CTSB: variants seen among roughly 807,000 people sequenced by gnomAD.
CTSB encodes APP secretase.
In CTSB, 57 loss-of-function variants were observed where a neutral mutation model predicts 44.3. The ratio of observed to expected loss-of-function variants is 1.29; its 90% CI spans 1.04 to 1.60. The LOEUF is 1.60. Ranked by LOEUF, CTSB falls within the 40% of genes most tolerant of loss-of-function variation. CTSB has a pLI of 0.00. For missense variants in CTSB, 768 were observed against 443.0 expected, an observed-to-expected ratio of 1.73 and a Z score of -6.59; for synonymous variants, 320 against 168.0, an observed-to-expected ratio of 1.91 and a Z score of -7.00.
intron 1 of CTSB, among the ~76,000 whole-genome samples, chr8:11,857,263 C>T (rs1047794761): frequency 1.2e-4 from 19 of 152,188 alleles, no homozygotes; most frequent in African/African-American, 4.1e-4. Flanking sequence ...AGGGATCTAA[C>T]TGCCTCAGCT....
chr8:11,849,579 G>GT (rs376850621), intron 4 of CTSB: 6,901 of 143,838 alleles, frequency 0.048, 231 homozygotes, highest in African/African-American at 0.084. Context: ...TGTGTGTGTG[G>GT]TTTTTTTTTT....
At chr8:11,863,301 A>C (rs1816683077) in intron 1 of CTSB, among the ~76,000 whole-genome samples, 1 of 152,180 alleles carries the variant, frequency 6.6e-6, no homozygotes, top group Non-Finnish European at 1.5e-5. Flanking sequence ...TCTACTAAAA[A>C]TACAAAAATT....
At position 11,847,947 on chromosome 8, in the gene CTSB, C is replaced by T. The variant is rs1373373605; in HGVS notation, c.532+120G>A. ...TCCTGCCAGAGGCCTGTGCACCTGGCTAGCACCTCTCAGCAGCCCCTCTGT... is the reference window on the plus strand; with the variant it reads ...TCCTGCCAGAGGCCTGTGCACCTGGTTAGCACCTCTCAGCAGCCCCTCTGT... On this transcript the variant is annotated intron_variant, in intron 6 of 9. Transcript: ENST00000353047. 19 of 1,345,290 alleles carry T rather than the reference C, an allele frequency of 1.4e-5. 1 individual carries two copies. The highest frequency in any genetic ancestry group is 5.4e-5 in the South Asian group (4 of 74,624). 83.3% of individuals were successfully genotyped at this position (1,345,290 alleles called of 1,614,324 possible).
chr8:11,847,071 G>A lies in CTSB; in HGVS notation c.774C>T (p.Asp258=), dbSNP rs1157703884. The change falls in exon 8 of 10, where the codon GAC becomes GAT. Residue 258 remains aspartate (D), a synonymous_variant. Coordinates refer to ENST00000353047, the MANE Select transcript of CTSB (RefSeq NM_001908.5). ...PVEGAFSVYS[D]FLLYKSGVYQ... Reference sequence around the variant, plus strand: ...ACGCACCTGACTTGTAGAGCAGGAAGTCCGAATACACAGAGAAAGCTCCCT... The same window carrying A: ...ACGCACCTGACTTGTAGAGCAGGAAATCCGAATACACAGAGAAAGCTCCCT... 3 of 1,605,512 alleles carry A rather than the reference G, an allele frequency of 1.9e-6. No individual in the cohort carries two copies. The highest frequency in any genetic ancestry group is 1.7e-5 in the Admixed American group (1 of 59,950).
At chr8:11,854,428 T>TA (rs1005628203) in intron 1 of CTSB, among the ~76,000 whole-genome samples, 23 of 151,890 alleles carry the variant, frequency 1.5e-4, no homozygotes, top group African/African-American at 5.6e-4. Flanking sequence ...CATTGTTGCT[T>TA]AAGCAACAAT....
At chr8:11,853,216 G>A (rs1814917580) in intron 2 of CTSB, 113 bp downstream of exon 2, 1 of 1,463,918 alleles carries the variant, frequency 6.8e-7, no homozygotes, top group African/African-American at 1.4e-5. Context: ...TTTTTCAACA[G>A]TCCAGGACAA....
chr8:11,843,457 A>C lies in CTSB; in HGVS notation c.*1668T>G, dbSNP rs1812631575. 6.6e-6 allele frequency: 1 copy of C among 152,244 alleles called. No homozygotes were observed. The highest frequency in any genetic ancestry group is 2.4e-5 in the African/African-American group (1 of 41,442). 9.4% of individuals were successfully genotyped at this position (152,244 alleles called of 1,614,324 possible). On this transcript the variant is annotated 3_prime_UTR_variant, in exon 10 of 10. Transcript: ENST00000353047. ...TGTACCTTGGCAGGACAGTGGAATG[A>C]TTGCTGGTTCTTCTAGTTTGCTCTA...
intron 3 of CTSB, 127 bp downstream of exon 3, chr8:11,852,483 G>A (rs570592254): frequency 2.3e-4 from 126 of 556,518 alleles, no homozygotes; most frequent in East Asian, 1.7e-3. Context: ...TACCTCAAGC[G>A]GTGTCGGCAG....
intron 8 of CTSB, chr8:11,846,053 C>T: frequency 3.4e-6 from 1 of 296,606 alleles, no homozygotes. Context: ...AATAGAATTT[C>T]TAATACATTC....
intron 1 of CTSB, among the ~76,000 whole-genome samples, chr8:11,859,392 GCGGCTA>G (rs1816025703): frequency 6.6e-6 from 1 of 152,118 alleles, no homozygotes; most frequent in African/African-American, 2.4e-5. Flanking sequence ...GAGAGGAGGT[GCGGCTA>G]AGTCACAGGA....
At chr8:11,866,633 G>A (rs1053601413) in intron 1 of CTSB, among the ~76,000 whole-genome samples, 3 of 152,242 alleles carry the variant, frequency 2.0e-5, no homozygotes, top group Admixed American at 6.5e-5. Context: ...GCCGAGACAG[G>A]CGGATCACCT....
intron 1 of CTSB, among the ~76,000 whole-genome samples, chr8:11,859,060 G>A (rs1395088394): frequency 6.6e-6 from 1 of 152,022 alleles, no homozygotes; most frequent in African/African-American, 2.4e-5. Context: ...TCTAGACCTT[G>A]GTCTGCTGTG....
Position 11,847,673 on chromosome 8 carries a change from C to T in CTSB, c.676+6G>A. 6.5e-7 allele frequency: 1 copy of T among 1,535,852 alleles called. No individual in the cohort carries two copies. The highest frequency in any genetic ancestry group is 8.7e-7 in the Non-Finnish European group (1 of 1,144,964). On this transcript the variant is annotated splice_donor_region_variant and intron_variant, in intron 7 of 9. Transcript: ENST00000353047. Reference sequence around the variant, plus strand: ...GTGCGCCGTGGCCAGGCCCCAGGCCCCTTACCGTAGTGCTTGTCCTGTTTG... The same window carrying T: ...GTGCGCCGTGGCCAGGCCCCAGGCCTCTTACCGTAGTGCTTGTCCTGTTTG...
rs767946604 is a variant in CTSB, at chr8:11,848,132, G to A, written c.467C>T (p.Ala156Val). 4 of 1,614,148 alleles carry A rather than the reference G, an allele frequency of 2.5e-6. No individual in the cohort carries two copies. Among genetic ancestry groups the A allele is most frequent in the Non-Finnish European group, 1.7e-6 (2 of 1,179,992 alleles). ...TCTTGTCCAGAAGTTCCAAGCTTCAGCAGGATAGCCACCATTACAGCTGAA... is the reference window on the plus strand; with the variant it reads ...TCTTGTCCAGAAGTTCCAAGCTTCAACAGGATAGCCACCATTACAGCTGAA... ...CGDGCNGGYP[A>V]EAWNFWTRKG... The change falls in exon 6 of 10, where the codon GCT (alanine) becomes GTT (valine). Residue 156 changes from alanine to valine, a missense_variant. Physicochemically the swap from Ala to Val is moderately conservative, Grantham distance 64 (BLOSUM62 0). Coordinates refer to ENST00000353047, the MANE Select transcript of CTSB (RefSeq NM_001908.5).
chr8:11,845,249 A>C (rs1386590519), intron 9 of CTSB, 27 bp from the exon 10 acceptor site: 2 of 1,544,564 alleles, frequency 1.3e-6, no homozygotes, highest in Non-Finnish European at 1.8e-6. Flanking sequence ...AGGTGCTTTT[A>C]AAGTGTGACA....
intron 1 of CTSB, among the ~76,000 whole-genome samples, chr8:11,854,362 G>A (rs1458638001): frequency 6.6e-6 from 1 of 152,172 alleles, no homozygotes; most frequent in African/African-American, 2.4e-5. Context: ...TGCGGTGTCA[G>A]TGCTTAACAA....
chr8:11,852,117 C>T (rs1298052777), intron 3 of CTSB, among the ~76,000 whole-genome samples: 1 of 152,166 alleles, frequency 6.6e-6, no homozygotes, highest in Non-Finnish European at 1.5e-5. Flanking sequence ...CCGGTAATCC[C>T]AGCACTCTGG....
rs764453338 is a variant in CTSB at position 11,849,155 on chromosome 8, C to T, written c.337G>A (p.Ala113Thr). ...ATCCGGTCAGAGATGGCTTCCACAG[C>T]CCCGAAGGCCTGCAGGAACGAGCCC... ...GSCGSCWAFGAVEAISDRICI... is the reference protein window; with the variant it reads ...GSCGSCWAFGTVEAISDRICI... The change falls in exon 5 of 10, where the codon GCT (alanine) becomes ACT (threonine). Residue 113 changes from alanine (A) to threonine (T), a missense_variant. Ala to Thr is a moderately conservative substitution (Grantham distance 58). Coordinates refer to ENST00000353047, the MANE Select transcript of CTSB (RefSeq NM_001908.5). The T allele has an allele frequency of 3.1e-6, 5 of 1,612,108 alleles. No individual in the cohort carries two copies. The highest frequency in any genetic ancestry group is 3.3e-5 in the Admixed American group (2 of 60,002).
intron 1 of CTSB, chr8:11,862,425 T>C (rs1333043338): frequency 6.6e-6 from 1 of 152,218 alleles, no homozygotes; most frequent in African/African-American, 2.4e-5. Flanking sequence ...TCCTTATACA[T>C]AGGACAGCCA....
Sources: allele counts gnomAD v4.1 joint callset (sites outside exome capture counted in the v4.1 genomes callset), GRCh38; gene constraint gnomAD v4.1.1; transcripts MANE v1.5; gene names NCBI Gene and HGNC (gene_info 2026-07-23, HGNC 2026-07-21).